The following DMXL1 variants were observed in gnomAD, a reference collection of about 807,000 sequenced individuals.
The protein encoded by DMXL1 is Dmx like 1, also known as dmX-like protein 1.
A neutral mutation model predicts 319.2 loss-of-function variants in DMXL1; 99 were observed. That is an observed-to-expected ratio of 0.31 (90% CI 0.26 to 0.37). The LOEUF is 0.37. Among genes scored for constraint, DMXL1 ranks in the 10% least tolerant of loss-of-function variants. DMXL1 has a pLI of 1.00. For missense variants in DMXL1, 3,745 were observed against 3,595.6 expected (o/e 1.04, Z -1.06); for synonymous variants, 1,385 against 1,235.2 (o/e 1.12, Z -2.54).
rs113893593 is a variant in DMXL1 at position 119,129,218 on chromosome 5, A to G, written c.1110A>G (p.Pro370=). 943 of 1,603,458 alleles carry G rather than the reference A, an allele frequency of 5.9e-4. 2 individuals carry two copies. The African/African-American group carries it at 8.7e-3, about 15-fold the overall frequency. ...CTTTTTTTTCTCTTATAGACATTCC[A>G]CTTCTTCCATCTATTACATCTCTGA... is the stretch of plus-strand genomic sequence containing the variant. ...AASINPATDI[P]LLPSITSLSL... The change falls in exon 10 of 44, where the codon CCA becomes CCG. Residue 370 remains proline, a synonymous_variant. Transcript: ENST00000539542.
Position 119,175,893 on chromosome 5 carries a change from T to C in DMXL1, c.6758+556T>C, listed in dbSNP as rs531649283. Among the ~76,000 whole-genome samples, 188 of 152,248 alleles carry C rather than the reference T, an allele frequency of 1.2e-3. 1 individual carries two copies. The highest frequency in any genetic ancestry group is 4.4e-3 in the African/African-American group (182 of 41,582). ...ATAGTTTGTTACCCTCTGGGGTCTT[T>C]CTATATCTATCTTTAGTTGTTTGAA... On this transcript the variant is annotated intron_variant, in intron 26 of 43. Transcript: ENST00000539542.
At chr5:119,119,060 C>A (rs1454726588) in intron 8 of DMXL1, 56 bp downstream of exon 8, 1 of 1,213,156 alleles carries the variant, frequency 8.2e-7, no homozygotes, top group East Asian at 2.5e-5. Flanking sequence ...GGTACATTGC[C>A]TTTTTGGTAA....
At chr5:119,171,470 A>G (rs1774530842) in intron 24 of DMXL1, among the ~76,000 whole-genome samples, 190 bp downstream of exon 24, 1 of 152,152 alleles carries the variant, frequency 6.6e-6, no homozygotes, top group Admixed American at 6.6e-5. Context: ...ACGATTCAGT[A>G]TCAGGCCTTA....
chr5:119,076,663 C>A (rs183703659), intron 1 of DMXL1, among the ~76,000 whole-genome samples: 46 of 152,054 alleles, frequency 3.0e-4, no homozygotes, highest in Non-Finnish European at 6.5e-4. Flanking sequence ...TGCTGCATGC[C>A]AAACTTAAAA....
Position 119,235,192 on chromosome 5 carries a change from C to T in DMXL1, c.8466+1725C>T, listed in dbSNP as rs1031055938. ...ATGAATAGAAATACAGTGCCAAAAG[C>T]CAGTGAATATTTCAGAAAAACTAAG... On this transcript the variant is annotated intron_variant, in intron 39 of 43. Transcript: ENST00000539542. Among the ~76,000 whole-genome samples, 9 of 151,890 alleles carry T rather than the reference C, an allele frequency of 5.9e-5. No individual in the cohort carries two copies. In the East Asian group the frequency reaches 1.3e-3, roughly 23 times the overall value.
intron 1 of DMXL1, among the ~76,000 whole-genome samples, chr5:119,075,531 G>A (rs1041412308): frequency 6.6e-6 from 1 of 151,934 alleles, no homozygotes; most frequent in Admixed American, 6.6e-5. Flanking sequence ...GAGCCACCGC[G>A]CCCTGCCTGT....
chr5:119,093,768 C>T (rs1476903885), intron 1 of DMXL1, among the ~76,000 whole-genome samples: 3 of 152,086 alleles, frequency 2.0e-5, no homozygotes, highest in African/African-American at 4.8e-5. Flanking sequence ...AAGTTCTGCT[C>T]CATTGAACAC....
intron 28 of DMXL1, 65 bp downstream of exon 28, chr5:119,178,309 T>G (rs1320624904): frequency 2.0e-6 from 3 of 1,501,724 alleles, no homozygotes; most frequent in African/African-American, 1.4e-5. Context: ...TTCTCAAACG[T>G]AATTACATTT....
intron 35 of DMXL1, among the ~76,000 whole-genome samples, chr5:119,219,554 T>G (rs564760123): frequency 3.8e-4 from 57 of 150,142 alleles, no homozygotes; most frequent in African/African-American, 1.4e-3. Context: ...AGATACACAT[T>G]TAATTAATTA....
chr5:119,125,893 A>C lies in DMXL1; in HGVS notation c.1103-3318A>C, dbSNP rs758657307. The stretch of plus-strand genomic sequence containing the variant: ...TATATTTAAAAAATCCAAAACAAAC[A>C]AAGGTTGCTATAAAAAAGCTCTGTA... On this transcript the variant is annotated intron_variant, in intron 9 of 43. Transcript: ENST00000539542. Among the ~76,000 whole-genome samples the C allele has an allele frequency of 1.3e-5, 2 of 152,208 alleles. 1 individual carries two copies. Among genetic ancestry groups the C allele is most frequent in the South Asian group, 4.1e-4 (2 of 4,828 alleles).
At chr5:119,089,920 C>G (rs998294778) in intron 1 of DMXL1, among the ~76,000 whole-genome samples, 1 of 150,466 alleles carries the variant, frequency 6.6e-6, no homozygotes, top group Non-Finnish European at 1.5e-5. Flanking sequence ...GCCACTGCAC[C>G]CAGCTTTTGT....
Position 119,248,696 on chromosome 5 carries a change from G to A in DMXL1, c.*1477G>A, listed in dbSNP as rs1790133245. The A allele has an allele frequency of 1.3e-5, 2 of 152,352 alleles. No homozygotes were observed. Among genetic ancestry groups the A allele is most frequent in the Non-Finnish European group, 2.9e-5 (2 of 67,892 alleles). The allele number at this position is 152,352 out of a possible 1,614,324, so 9.4% of individuals were successfully genotyped here. On this transcript the variant is annotated 3_prime_UTR_variant, in exon 44 of 44. Transcript: ENST00000539542. ...TCCTCAGGATACTTTTATCTTAAAA[G>A]TATGTTGTTAAAGATTTTGTAAATT...
intron 19 of DMXL1, among the ~76,000 whole-genome samples, chr5:119,155,147 T>C (rs993717771): frequency 1.3e-5 from 2 of 152,258 alleles, no homozygotes; most frequent in African/African-American, 2.4e-5. Flanking sequence ...GAGATTAATA[T>C]AGTTTTTATG....
At chr5:119,090,786 C>G (rs764292094) in intron 1 of DMXL1, among the ~76,000 whole-genome samples, 1 of 151,462 alleles carries the variant, frequency 6.6e-6, no homozygotes, top group East Asian at 2.0e-4. Context: ...AGGGTGGTCT[C>G]GATCTCTCAA....
At chr5:119,126,153 T>A (rs1321737428) in intron 9 of DMXL1, among the ~76,000 whole-genome samples, 1 of 152,064 alleles carries the variant, frequency 6.6e-6, no homozygotes, top group Admixed American at 6.5e-5. Flanking sequence ...CGTGGTGGTG[T>A]CTGCCTTTAA....
rs773328932 is a variant in DMXL1 at position 119,164,638 on chromosome 5, G to C, written c.4834G>C (p.Val1612Leu). The C allele has an allele frequency of 9.9e-6, 16 of 1,611,004 alleles. No homozygotes were observed. Among genetic ancestry groups the C allele is most frequent in the Middle Eastern group, 1.6e-4 (1 of 6,068 alleles). The change falls in exon 20 of 44, where the codon GTC (valine) becomes CTC (leucine). Residue 1612 changes from valine (V) to leucine (L), a missense_variant. Physicochemically the swap from Val to Leu is conservative, Grantham distance 32. Transcript: ENST00000539542. ...AAGAGCTATGGGTGTGGGGTGGTGG[G>C]TCCGGAATACCCGCATCTTACGCAA... ...ELRAMGVGWW[V>L]RNTRILRKCI...
At chr5:119,186,892 G>T (rs979101970) in intron 28 of DMXL1, among the ~76,000 whole-genome samples, 46 of 151,890 alleles carry the variant, frequency 3.0e-4, no homozygotes, top group African/African-American at 9.4e-4. Flanking sequence ...TAAAAAGTAC[G>T]GGAAGGGGAA....
intron 28 of DMXL1, among the ~76,000 whole-genome samples, chr5:119,181,401 CT>C (rs1313052362): frequency 6.6e-6 from 1 of 152,110 alleles, no homozygotes; most frequent in Admixed American, 6.6e-5. Flanking sequence ...ATGGAAGTAA[CT>C]GAAGGAGTAC....
chr5:119,149,360 A>C lies in DMXL1; in HGVS notation c.3533A>C (p.Lys1178Thr). 6.2e-7 allele frequency: 1 copy of C among 1,613,952 alleles called. No homozygotes were observed. The highest frequency in any genetic ancestry group is 8.5e-7 in the Non-Finnish European group (1 of 1,179,874). ...LAGKVQDQTG[K>T]ETLAFPLWES... ...GGCAAGGTACAAGACCAAACTGGTAAGGAAACCCTGGCATTTCCTCTCTGG... is the reference window on the plus strand; with the variant it reads ...GGCAAGGTACAAGACCAAACTGGTACGGAAACCCTGGCATTTCCTCTCTGG... The change falls in exon 18 of 44, where the codon AAG becomes ACG. Residue 1178 changes from lysine to threonine, a missense_variant. Lys to Thr is a moderately conservative substitution (Grantham distance 78). This residue lies in a region of DMXL1 where 2,096 missense variants were observed against 1,985.4 expected (regional missense o/e 1.06). Transcript: ENST00000539542.
Sources: allele counts gnomAD v4.1 joint callset (sites outside exome capture counted in the v4.1 genomes callset), GRCh38; gene constraint gnomAD v4.1.1; regional missense constraint gnomAD v4.1.1; transcripts MANE v1.5; gene names NCBI Gene and HGNC (gene_info 2026-07-23, HGNC 2026-07-21).